Variants in CCDC61 observed in about 807,000 individuals in gnomAD.
The protein encoded by CCDC61 is centrosomal protein CCDC61.
In CCDC61, 55 loss-of-function variants were observed where a neutral mutation model predicts 63.0. That is an observed-to-expected ratio of 0.87 (90% confidence interval 0.70 to 1.09). CCDC61 has a LOEUF of 1.09. Ranked by LOEUF, CCDC61 falls within the 50% of genes least tolerant of loss-of-function variation. CCDC61 has a pLI of 0.00. For missense variants in CCDC61, 651 were observed against 731.4 expected (o/e 0.89, Z 1.27); for synonymous variants, 270 against 317.0 (o/e 0.85, Z 1.58).
At chr19:46,004,869 G>A (rs1968671229) in intron 3 of CCDC61, among the ~76,000 whole-genome samples, 1 of 108,168 alleles carries the variant, frequency 9.2e-6, no homozygotes. Flanking sequence ...TTTGAGACAA[G>A]AGTTTTGCTC....
intron 5 of CCDC61, among the ~76,000 whole-genome samples, chr19:46,009,840 G>A (rs1011491418): frequency 1.2e-4 from 18 of 151,938 alleles, no homozygotes; most frequent in Non-Finnish European, 2.1e-4. Flanking sequence ...GTGTGTGTGC[G>A]CGCGCGTTTG....
At chr19:45,998,314 T>C (rs1048356484) in intron 1 of CCDC61, among the ~76,000 whole-genome samples, 6 of 152,230 alleles carry the variant, frequency 3.9e-5, no homozygotes, top group African/African-American at 1.4e-4. Flanking sequence ...CCCCCAGAGT[T>C]TCTGCTTGTG....
intron 3 of CCDC61, among the ~76,000 whole-genome samples, chr19:46,005,728 G>A (rs539123926): frequency 4.3e-4 from 64 of 150,464 alleles, no homozygotes; most frequent in Non-Finnish European, 6.1e-4. Context: ...CACTTTGTTC[G>A]TTTTTGAGAA....
intron 4 of CCDC61, 59 bp downstream of exon 4, chr19:46,006,775 G>C (rs1255470038): frequency 2.0e-6 from 3 of 1,504,716 alleles, no homozygotes; most frequent in South Asian, 1.3e-5. Flanking sequence ...AGAGGATGTG[G>C]GTAGGCCTTA....
Position 46,015,413 on chromosome 19 carries a change from A to G in CCDC61, c.831A>G (p.Ala277=). Reference sequence around the variant, plus strand: ...TGAAGACGCTGACCAGCGAGCTGGCATTGTACAAGAGGGGGTGAGAGCGAG... The same window carrying G: ...TGAAGACGCTGACCAGCGAGCTGGCGTTGTACAAGAGGGGGTGAGAGCGAG... ...ARLKTLTSEL[A]LYKRGRRTPP... The change falls in exon 7 of 14, where the codon GCA becomes GCG. Residue 277 remains alanine (A), a synonymous_variant. Coordinates refer to ENST00000595358, the MANE Select transcript of CCDC61 (RefSeq NM_001267723.2). This position sits in a 1 kb window ranked among gnomAD's most constrained non-coding sequence, Gnocchi z 5.3. The G allele has an allele frequency of 6.4e-7, 1 of 1,554,342 alleles. No individual in the cohort carries two copies. Among genetic ancestry groups the G allele is most frequent in the Non-Finnish European group, 8.7e-7 (1 of 1,149,792 alleles).
intron 1 of CCDC61, among the ~76,000 whole-genome samples, chr19:45,996,897 C>T (rs1968503040): frequency 6.6e-6 from 1 of 152,176 alleles, no homozygotes. Flanking sequence ...CTGCCTCTCA[C>T]TGTTAGGGGG....
In CCDC61 at chr19:46,008,176, G is replaced by C; in HGVS notation, c.426G>C (p.Lys142Asn). ...HYPLPLPYQG[K>N]PDPVVLQGII... ...CGCTGCCCCTCCCGTACCAGGGCAAGCCAGACCCCGTGGTTCTGCAGGGCA... is the reference window on the plus strand; with the variant it reads ...CGCTGCCCCTCCCGTACCAGGGCAACCCAGACCCCGTGGTTCTGCAGGGCA... The change falls in exon 5 of 14, where the codon AAG becomes AAC. Residue 142 changes from lysine to asparagine, a missense_variant. Transcript: ENST00000595358. 6.2e-7 allele frequency: 1 copy of C among 1,612,624 alleles called. No homozygotes were observed. Among genetic ancestry groups the C allele is most frequent in the South Asian group, 1.1e-5 (1 of 90,672 alleles).
Position 46,015,674 on chromosome 19 carries a change from A to T in CCDC61, c.845+247A>T, listed in dbSNP as rs1171314363. 6.6e-6 allele frequency among the ~76,000 whole-genome samples: 1 copy of T among 151,996 alleles called. No homozygotes were observed. The highest frequency in any genetic ancestry group is 1.5e-5 in the Non-Finnish European group (1 of 67,966). On this transcript the variant is annotated intron_variant, in intron 7 of 13. Coordinates refer to ENST00000595358, the MANE Select transcript of CCDC61 (RefSeq NM_001267723.2). The surrounding 1 kb of genome is among the most constrained non-coding windows in gnomAD (Gnocchi z 5.3). Reference sequence around the variant, plus strand: ...GGCGGCGTTCAGGAGGGACTGGGAAAGGGATCGTGCCCTAGGGTCTCCTGG... The same window carrying T: ...GGCGGCGTTCAGGAGGGACTGGGAATGGGATCGTGCCCTAGGGTCTCCTGG...
intron 5 of CCDC61, among the ~76,000 whole-genome samples, chr19:46,011,611 G>T (rs1000767395): frequency 2.0e-5 from 3 of 152,168 alleles, no homozygotes; most frequent in East Asian, 1.9e-4. Context: ...AATCACATGT[G>T]GGGTAGGTTT....
rs1388467147 is a variant in CCDC61 at position 46,006,644 on chromosome 19, C to T, written c.317C>T (p.Ser106Phe). The change falls in exon 4 of 14, where the codon TCC becomes TTC. Residue 106 changes from serine to phenylalanine, a missense_variant. By Grantham distance (155) the Ser-to-Phe change is radical. Coordinates refer to ENST00000595358, the MANE Select transcript of CCDC61 (RefSeq NM_001267723.2). ...RNRKMGGRPG[S>F]LAPRSAQLNS... ...CGCAAGATGGGGGGCCGCCCAGGCT[C>T]CTTGGCCCCCAGGTCGGCCCAGCTC... 1 of 1,613,856 alleles carries T rather than the reference C, an allele frequency of 6.2e-7. No individual in the cohort carries two copies. The highest frequency in any genetic ancestry group is 2.2e-5 in the East Asian group (1 of 44,884).
intron 3 of CCDC61, among the ~76,000 whole-genome samples, chr19:46,003,786 G>GTCC (rs1027038446): frequency 9.9e-5 from 15 of 151,324 alleles, no homozygotes; most frequent in Non-Finnish European, 1.8e-4. Flanking sequence ...AATCACTCCA[G>GTCC]TCCTTTCTCC....
chr19:45,999,635 C>T lies in CCDC61; in HGVS notation c.-11-3373C>T, dbSNP rs147662852. On this transcript the variant is annotated intron_variant, in intron 1 of 13. Coordinates refer to ENST00000595358, the MANE Select transcript of CCDC61 (RefSeq NM_001267723.2). ...AGCGTGGAGAGTTTTCAGCTCCGGC[C>T]CCGGGGTAAGAGCTGTGAAATCTGT... 1.3e-4 allele frequency among the ~76,000 whole-genome samples: 20 copies of T among 152,074 alleles called. 1 individual carries two copies. Among genetic ancestry groups the T allele is most frequent in the African/African-American group, 4.6e-4 (19 of 41,454 alleles).
At chr19:45,999,695 C>T (rs552686858) in intron 1 of CCDC61, among the ~76,000 whole-genome samples, 1 of 152,004 alleles carries the variant, frequency 6.6e-6, no homozygotes, top group South Asian at 2.1e-4. Flanking sequence ...GAAGGTGGAG[C>T]CAGGGGTGGT....
intron 1 of CCDC61, among the ~76,000 whole-genome samples, chr19:45,996,633 C>T (rs183166550): frequency 2.6e-5 from 4 of 152,304 alleles, no homozygotes; most frequent in Non-Finnish European, 4.4e-5. Flanking sequence ...CTCGTGACCT[C>T]AGGTGATCCA....
chr19:45,999,513 T>G (rs1968552301), intron 1 of CCDC61, among the ~76,000 whole-genome samples: 1 of 150,310 alleles, frequency 6.7e-6, no homozygotes, highest in Admixed American at 6.6e-5. Context: ...AGCTGCAGAG[T>G]GTGGGGAAAC....
chr19:46,004,104 A>C (rs1393505290), intron 3 of CCDC61, among the ~76,000 whole-genome samples: 3 of 151,864 alleles, frequency 2.0e-5, no homozygotes, highest in African/African-American at 7.3e-5. Context: ...ATGCCCGGCT[A>C]ATTTTTTGTA....
At chr19:46,003,736 C>T (rs1968639300) in intron 3 of CCDC61, among the ~76,000 whole-genome samples, 1 of 152,064 alleles carries the variant, frequency 6.6e-6, no homozygotes, top group South Asian at 2.1e-4. Context: ...GTAAAAATCA[C>T]TCCAGCCCTA....
chr19:46,015,417 T>C lies in CCDC61; in HGVS notation c.835T>C (p.Tyr279His). Residue 279 changes from tyrosine to histidine, a missense_variant, in exon 7 of 14, where the codon TAC becomes CAC. Physicochemically the swap from Tyr to His is moderately conservative, Grantham distance 83. Coordinates refer to ENST00000595358, the MANE Select transcript of CCDC61 (RefSeq NM_001267723.2). The surrounding 1 kb of genome is among the most constrained non-coding windows in gnomAD (Gnocchi z 5.3). ...GACGCTGACCAGCGAGCTGGCATTG[T>C]ACAAGAGGGGGTGAGAGCGAGGCCT... ...LKTLTSELAL[Y>H]KRGRRTPPVQ... is the part of the protein sequence containing the mutation. The C allele has an allele frequency of 6.3e-7, 1 of 1,599,794 alleles. No homozygotes were observed. The highest frequency in any genetic ancestry group is 2.2e-5 in the East Asian group (1 of 44,554).
Position 46,015,388 on chromosome 19 carries a change from T to G in CCDC61, c.806T>G (p.Leu269Arg). 4.4e-6 allele frequency: 7 copies of G among 1,603,288 alleles called. No homozygotes were observed. The highest frequency in any genetic ancestry group is 5.9e-6 in the Non-Finnish European group (7 of 1,179,046). ...TCGGAGCGGAGCCTGCGCGCCCGGC[T>G]GAAGACGCTGACCAGCGAGCTGGCA... ...KASERSLRAR[L>R]KTLTSELALY... The change falls in exon 7 of 14, where the codon CTG becomes CGG. Residue 269 changes from leucine to arginine, a missense_variant. By Grantham distance (102) the Leu-to-Arg change is moderately radical. Transcript: ENST00000595358. The surrounding 1 kb of genome is among the most constrained non-coding windows in gnomAD (Gnocchi z 5.3).
Sources: allele counts gnomAD v4.1 joint callset (sites outside exome capture counted in the v4.1 genomes callset), GRCh38; gene constraint gnomAD v4.1.1; non-coding constraint Gnocchi (gnomAD v3.1); transcripts MANE v1.5; gene names NCBI Gene and HGNC (gene_info 2026-07-23, HGNC 2026-07-21).